The following BBS9 variants were observed in gnomAD, a reference collection of about 807,000 sequenced individuals.
BBS9 encodes Bardet-Biedl syndrome 9.
Under a neutral mutation model 117.7 loss-of-function variants are expected in BBS9, and 89 were observed. The ratio of observed to expected loss-of-function variants is 0.76; its 90% CI spans 0.64 to 0.90. The LOEUF is 0.90. BBS9 is among the 40% of genes least tolerant of loss of function. The pLI, the probability that BBS9 is intolerant of heterozygous loss-of-function variation, is 0.00. For synonymous variants in BBS9, 379 were observed against 370.9 expected, an observed-to-expected ratio of 1.02 and a Z score of -0.25; for missense variants, 982 against 1,042.2, an observed-to-expected ratio of 0.94 and a Z score of 0.80.
rs144367055 is a variant in BBS9, at chr7:33,384,997, G to T, written c.1962+1159G>T. Among the ~76,000 whole-genome samples, 77 of 152,160 alleles carry T rather than the reference G, an allele frequency of 5.1e-4. No individual in the cohort carries two copies. The East Asian group carries it at 0.013, about 26-fold the overall frequency. On this transcript the variant is annotated intron_variant, in intron 18 of 22. Transcript: ENST00000242067. ...GTCTGTAAGAGTATGTTTAGGTATC[G>T]TATGGAATGAGAATCTTTGCAATTC... is the stretch of plus-strand genomic sequence containing the variant.
intron 21 of BBS9, among the ~76,000 whole-genome samples, chr7:33,586,872 A>G (rs774919862): frequency 1.3e-5 from 2 of 152,100 alleles, no homozygotes; most frequent in Non-Finnish European, 2.9e-5. Context: ...TAAACATAGA[A>G]TCAATAGACA....
chr7:33,481,784 A>T (rs938456336), intron 19 of BBS9, among the ~76,000 whole-genome samples: 1 of 152,092 alleles, frequency 6.6e-6, no homozygotes, highest in African/African-American at 2.4e-5. Flanking sequence ...TGGAGTGGAG[A>T]GGAAGAAATA....
intron 19 of BBS9, among the ~76,000 whole-genome samples, chr7:33,462,816 C>T: frequency 6.6e-6 from 1 of 151,986 alleles, no homozygotes; most frequent in Middle Eastern, 3.2e-3. Flanking sequence ...ATGGGCAGCT[C>T]TTTTTGCAAA....
At chr7:33,209,052 T>C (rs1485616982) in intron 5 of BBS9, among the ~76,000 whole-genome samples, 1 of 152,312 alleles carries the variant, frequency 6.6e-6, no homozygotes, top group East Asian at 1.9e-4. Flanking sequence ...TTATTTATTC[T>C]TTCTATTTTT....
chr7:33,152,867 A>G lies in BBS9; in HGVS notation c.263+16A>G. The G allele has an allele frequency of 6.2e-7, 1 of 1,613,468 alleles. No individual in the cohort carries two copies. Among genetic ancestry groups the G allele is most frequent in the African/African-American group, 1.3e-5 (1 of 75,036 alleles). The stretch of plus-strand genomic sequence containing the variant: ...AGTTTGTTTCGTAAGTAAGCCCACT[A>G]ATTCTGGTATTTTACTTGGAGTATG... On this transcript the variant is annotated intron_variant, in intron 3 of 22. Transcript: ENST00000242067.
intron 5 of BBS9, among the ~76,000 whole-genome samples, chr7:33,235,714 A>G (rs1052015587): frequency 6.6e-6 from 1 of 152,188 alleles, no homozygotes; most frequent in Non-Finnish European, 1.5e-5. Context: ...TGAAGATGGA[A>G]ATATGTATGC....
Position 33,367,752 on chromosome 7 carries a change from C to G in BBS9, c.1694-15C>G. ...CTTCTGGTTACATAAGGTGATTTCT[C>G]TCTTTTCTTTGTAGGTTTTGCCAGT... On this transcript the variant is annotated splice_polypyrimidine_tract_variant and intron_variant, in intron 16 of 22. Coordinates refer to ENST00000242067, the MANE Select transcript of BBS9 (RefSeq NM_198428.3). 6.2e-7 allele frequency: 1 copy of G among 1,612,474 alleles called. No individual in the cohort carries two copies. Among genetic ancestry groups the G allele is most frequent in the Non-Finnish European group, 8.5e-7 (1 of 1,178,592 alleles).
rs182512611 is a variant in BBS9, at chr7:33,176,444, A to G, written c.329-1034A>G. Among the ~76,000 whole-genome samples, 12 of 152,278 alleles carry G rather than the reference A, an allele frequency of 7.9e-5. No individual in the cohort carries two copies. The East Asian group carries it at 2.3e-3, about 29-fold the overall frequency. ...GTCTGGTTTGAATACTCAGTTCTCTACCTTGAATACTGTATGATTTTGGGG... is the reference window on the plus strand; with the variant it reads ...GTCTGGTTTGAATACTCAGTTCTCTGCCTTGAATACTGTATGATTTTGGGG... On this transcript the variant is annotated intron_variant, in intron 4 of 22. Coordinates refer to ENST00000242067, the MANE Select transcript of BBS9 (RefSeq NM_198428.3).
intron 19 of BBS9, among the ~76,000 whole-genome samples, chr7:33,433,120 TA>T (rs1834775117): frequency 6.6e-6 from 1 of 152,218 alleles, no homozygotes; most frequent in African/African-American, 2.4e-5. Flanking sequence ...TAATGTGGGC[TA>T]TAATTAACTC....
intron 9 of BBS9, among the ~76,000 whole-genome samples, chr7:33,322,557 T>C (rs1157199982): frequency 6.6e-6 from 1 of 152,022 alleles, no homozygotes; most frequent in African/African-American, 2.4e-5. Flanking sequence ...CTAATGATCC[T>C]TTGAATTTTT....
intron 5 of BBS9, among the ~76,000 whole-genome samples, chr7:33,234,219 T>C (rs1239188013): frequency 6.6e-6 from 1 of 152,082 alleles, no homozygotes; most frequent in Non-Finnish European, 1.5e-5. Flanking sequence ...TATGTATGTA[T>C]AGGAAAAAAC....
intron 19 of BBS9, among the ~76,000 whole-genome samples, chr7:33,413,559 C>T (rs780456944): frequency 6.6e-6 from 1 of 152,074 alleles, no homozygotes; most frequent in East Asian, 1.9e-4. Context: ...GTTTTCAGAG[C>T]ATCTTATGGG....
chr7:33,618,083 T>G (rs988410433), intron 21 of BBS9, among the ~76,000 whole-genome samples: 1 of 152,174 alleles, frequency 6.6e-6, no homozygotes, highest in South Asian at 2.1e-4. Flanking sequence ...CTCATGCCTG[T>G]AATCCCAACA....
intron 9 of BBS9, among the ~76,000 whole-genome samples, chr7:33,320,844 G>A (rs1438107738): frequency 6.6e-6 from 1 of 151,364 alleles, no homozygotes; most frequent in Non-Finnish European, 1.5e-5. Context: ...GTTTTTTTTT[G>A]TAGTAGTTTC....
chr7:33,511,869 G>A (rs1847026182), intron 20 of BBS9, among the ~76,000 whole-genome samples: 1 of 152,202 alleles, frequency 6.6e-6, no homozygotes, highest in African/African-American at 2.4e-5. Context: ...TAATGTAAGG[G>A]CCATTGTGCT....
intron 9 of BBS9, among the ~76,000 whole-genome samples, chr7:33,298,246 C>T (rs1805670443): frequency 6.6e-6 from 1 of 151,974 alleles, no homozygotes; most frequent in Non-Finnish European, 1.5e-5. Context: ...GCAGAAGACT[C>T]CGACCATGGC....
Position 33,409,980 on chromosome 7 carries a change from CTT to C in BBS9, c.2115+21838_2115+21839del, listed in dbSNP as rs1316068794. Among the ~76,000 whole-genome samples the C allele has an allele frequency of 1.7e-3, 258 of 152,042 alleles. 2 individuals carry two copies. Among genetic ancestry groups the C allele is most frequent in the Admixed American group, 5.1e-3 (78 of 15,274 alleles). On this transcript the variant is annotated intron_variant, in intron 19 of 22. Coordinates refer to ENST00000242067, the MANE Select transcript of BBS9 (RefSeq NM_198428.3). ...TCCAGTTATCTGTGATCTCTTCTGC[CTT>C]TAAACCTTAGGAGTGCTATGATTAA...
intron 21 of BBS9, among the ~76,000 whole-genome samples, chr7:33,634,748 G>C (rs1226810133): frequency 1.3e-5 from 2 of 152,210 alleles, no homozygotes; most frequent in Admixed American, 6.5e-5. Context: ...GTGTGTATGT[G>C]GACAGGGCAG....
chr7:33,567,951 A>T (rs763434390), intron 21 of BBS9, among the ~76,000 whole-genome samples: 17 of 152,102 alleles, frequency 1.1e-4, no homozygotes, highest in African/African-American at 4.1e-4. Flanking sequence ...TTAGGCCACC[A>T]CTATTGCTAC....
Sources: allele counts gnomAD v4.1 joint callset (sites outside exome capture counted in the v4.1 genomes callset), GRCh38; gene constraint gnomAD v4.1.1; transcripts MANE v1.5; gene names NCBI Gene and HGNC (gene_info 2026-07-23, HGNC 2026-07-21).